The following NLRC5 variants were observed in gnomAD, a reference collection of about 807,000 sequenced individuals.
NLRC5 encodes the protein protein NLRC5.
A neutral mutation model predicts 206.9 loss-of-function variants in NLRC5; 114 were observed. The observed-to-expected ratio is 0.55, with a 90% CI of 0.47 to 0.64. The LOEUF (loss-of-function observed/expected upper bound fraction) is 0.64, where lower values mean the gene tolerates loss of function less well. NLRC5 is among the 30% of genes least tolerant of loss of function. The pLI is 0.00. For missense variants in NLRC5, 2,008 were observed against 2,305.5 expected, an observed-to-expected ratio of 0.87 and a Z score of 2.64; for synonymous variants, 952 against 962.8, an observed-to-expected ratio of 0.99 and a Z score of 0.21.
At chr16:57,049,970 C>T (rs796252428) in intron 23 of NLRC5, among the ~76,000 whole-genome samples, 7 of 152,076 alleles carry the variant, frequency 4.6e-5, no homozygotes, top group African/African-American at 1.7e-4. Flanking sequence ...CCCGGGGTTC[C>T]ACCGGGGAAG....
In NLRC5 at chr16:57,082,410, C is replaced by T; in HGVS notation, c.5490-7C>T. 1 of 1,603,616 alleles carries T rather than the reference C, an allele frequency of 6.2e-7. No homozygotes were observed. Among genetic ancestry groups the T allele is most frequent in the Non-Finnish European group, 8.5e-7 (1 of 1,171,876 alleles). On this transcript the variant is annotated splice_polypyrimidine_tract_variant and splice_region_variant and intron_variant, in intron 48 of 48. Coordinates refer to ENST00000688547, the MANE Select transcript of NLRC5 (RefSeq NM_001384950.1). ...GATGAATGAGTGCCTATATCTGTGC[C>T]CCACAGCCTCTGGAATAACCCCATT...
chr16:57,029,973 C>T, intron 9 of NLRC5, 22 bp from the exon 10 acceptor site: 4 of 1,613,758 alleles, frequency 2.5e-6, no homozygotes, highest in Non-Finnish European at 2.5e-6. Flanking sequence ...CCACTCCTGA[C>T]ACCTTTGCCA....
At chr16:57,050,575 A>C (rs1413615331) in intron 23 of NLRC5, among the ~76,000 whole-genome samples, 1 of 152,206 alleles carries the variant, frequency 6.6e-6, no homozygotes, top group African/African-American at 2.4e-5. Flanking sequence ...AAGTGGCTCC[A>C]GGCCCCCCAG....
chr16:57,036,004 G>A, intron 13 of NLRC5, 96 bp from the exon 14 acceptor site: 1 of 1,151,310 alleles, frequency 8.7e-7, no homozygotes, highest in Admixed American at 1.7e-5. Context: ...TCCTGAGAGT[G>A]ACACTTTGAC....
intron 6 of NLRC5, among the ~76,000 whole-genome samples, chr16:57,027,871 C>T (rs1040746022): frequency 1.3e-5 from 2 of 152,196 alleles, no homozygotes; most frequent in African/African-American, 2.4e-5. Flanking sequence ...TGATCTCTGG[C>T]TGGGAAACCA....
At position 57,031,428 on chromosome 16, in the gene NLRC5, T is replaced by C. The variant is rs772035866; in HGVS notation, c.2442T>C (p.Leu814=). ...GGGAGGCGGACCTCATCTTCCTTCT[T>C]TCCCCGCCCACAGAGACAACTGCAG... ...QAREADLIFL[L]SPPTETTAEL... Residue 814 remains leucine, a synonymous_variant, in exon 11 of 49, where the codon CTT becomes CTC. Coordinates refer to ENST00000688547, the MANE Select transcript of NLRC5 (RefSeq NM_001384950.1). The C allele has an allele frequency of 6.2e-7, 1 of 1,613,736 alleles. No homozygotes were observed. Among genetic ancestry groups the C allele is most frequent in the African/African-American group, 1.3e-5 (1 of 74,794 alleles).
intron 11 of NLRC5, 120 bp downstream of exon 11, chr16:57,031,583 T>C (rs2061891258): frequency 1.1e-6 from 1 of 907,726 alleles, no homozygotes; most frequent in Non-Finnish European, 1.8e-6. Flanking sequence ...TTCTTCCTGC[T>C]ACTGCTGCAC....
At chr16:56,994,717 G>C (rs1360980081) in intron 1 of NLRC5, among the ~76,000 whole-genome samples, 1 of 152,078 alleles carries the variant, frequency 6.6e-6, no homozygotes, top group African/African-American at 2.4e-5. Context: ...GAGGGAACCA[G>C]TCAGAGGGGA....
Position 56,996,772 on chromosome 16 carries a change from T to C in NLRC5, c.-128+7155T>C, listed in dbSNP as rs187020485. On this transcript the variant is annotated intron_variant, in intron 1 of 48. Transcript: ENST00000688547. ...AACAGGAAAAATAATAAAGACATAA[T>C]AAAATGATAATTTAGTTTTAAAAGA... is the stretch of plus-strand genomic sequence containing the variant. Among the ~76,000 whole-genome samples, 66 of 152,320 alleles carry C rather than the reference T, an allele frequency of 4.3e-4. 1 individual carries two copies. Among genetic ancestry groups the C allele is most frequent in the African/African-American group, 1.5e-3 (64 of 41,570 alleles).
intron 2 of NLRC5, among the ~76,000 whole-genome samples, chr16:57,018,671 C>T (rs116857878): frequency 0.012 from 1,856 of 152,244 alleles, 22 homozygotes; most frequent in Non-Finnish European, 0.019. Flanking sequence ...TCTGGGTGGA[C>T]CTCCTACTCT....
At chr16:57,064,945 TAAA>T (rs1366925210) in intron 32 of NLRC5, among the ~76,000 whole-genome samples, 1 of 151,926 alleles carries the variant, frequency 6.6e-6, no homozygotes, top group Admixed American at 6.6e-5. Context: ...TAAGATAAGA[TAAA>T]AAAATAAAAT....
At chr16:56,993,991 A>G (rs1394068343) in intron 1 of NLRC5, among the ~76,000 whole-genome samples, 2 of 150,634 alleles carry the variant, frequency 1.3e-5, no homozygotes. Context: ...GCAAGATATG[A>G]CATTTTAATT....
rs1177121530 is a variant in NLRC5, at chr16:57,042,062, T to C, written c.3110T>C (p.Leu1037Ser). ...LLPGLGALQS[L>S]NLSENGLSLD... ...CCAGGGCTGGGAGCTCTGCAGTCCTTGAAGTGAGTAGCCCGCTAGGCAGAG... is the reference window on the plus strand; with the variant it reads ...CCAGGGCTGGGAGCTCTGCAGTCCTCGAAGTGAGTAGCCCGCTAGGCAGAG... Residue 1037 changes from leucine (L) to serine (S), a missense_variant, in exon 19 of 49, where the codon TTG (leucine) becomes TCG (serine). Transcript: ENST00000688547. 1 of 1,542,534 alleles carries C rather than the reference T, an allele frequency of 6.5e-7. No homozygotes were observed. Among genetic ancestry groups the C allele is most frequent in the South Asian group, 1.2e-5 (1 of 81,390 alleles).
intron 5 of NLRC5, among the ~76,000 whole-genome samples, chr16:57,024,764 C>A (rs1375356822): frequency 6.6e-6 from 1 of 152,194 alleles, no homozygotes; most frequent in Admixed American, 6.5e-5. Flanking sequence ...AATCCCAGCA[C>A]TTTGGAGGGC....
intron 2 of NLRC5, among the ~76,000 whole-genome samples, chr16:57,019,949 A>G (rs1343486380): frequency 6.6e-6 from 1 of 152,148 alleles, no homozygotes; most frequent in African/African-American, 2.4e-5. Flanking sequence ...GGGACTGTCC[A>G]CAGGGGATGA....
At chr16:57,021,199 T>G in intron 3 of NLRC5, 192 bp downstream of exon 3, 1 of 562,184 alleles carries the variant, frequency 1.8e-6, no homozygotes, top group Non-Finnish European at 3.1e-6. Flanking sequence ...GGAGGACCCC[T>G]CCTTCTACCT....
In NLRC5 at chr16:56,993,132, TAC is replaced by T. The variant is rs71152227; in HGVS notation, c.-128+3535_-128+3536del. On this transcript the variant is annotated intron_variant, in intron 1 of 48. Transcript: ENST00000688547. ...ACACGTATATATGTGTATATATATA[TAC>T]ACACACACACACACACACATATACA... Among the ~76,000 whole-genome samples the T allele has an allele frequency of 6.5e-3, 787 of 120,622 alleles. 17 individuals are homozygous for T. In the East Asian group the frequency reaches 0.1, roughly 16 times the overall value. The allele number at this position is 120,622 out of a possible 152,430, so 79.1% of individuals were successfully genotyped here.
intron 8 of NLRC5, among the ~76,000 whole-genome samples, chr16:57,028,951 G>C (rs2061516592): frequency 6.6e-6 from 1 of 152,202 alleles, no homozygotes; most frequent in Non-Finnish European, 1.5e-5. Flanking sequence ...ACCATGGGGA[G>C]GAGTGGGACC....
chr16:57,024,964 C>T (rs1416255661), intron 5 of NLRC5, among the ~76,000 whole-genome samples: 2 of 152,100 alleles, frequency 1.3e-5, no homozygotes, highest in African/African-American at 2.4e-5. Flanking sequence ...AAGCTAGGAT[C>T]GTGCCACTGC....
Sources: allele counts gnomAD v4.1 joint callset (sites outside exome capture counted in the v4.1 genomes callset), GRCh38; gene constraint gnomAD v4.1.1; transcripts MANE v1.5; gene names NCBI Gene and HGNC (gene_info 2026-07-23, HGNC 2026-07-21).